RAB3GAP2: variants seen among roughly 807,000 people sequenced by gnomAD.
RAB3GAP2 encodes RAB3 GTPase activating non-catalytic protein subunit 2.
A neutral mutation model predicts 185.3 loss-of-function variants in RAB3GAP2; 87 were observed. The observed-to-expected ratio is 0.47, with a 90% CI of 0.39 to 0.56. RAB3GAP2 has a LOEUF of 0.56. Among genes scored for constraint, RAB3GAP2 ranks in the 20% least tolerant of loss-of-function variants. The pLI is 0.00. For synonymous variants in RAB3GAP2, 554 were observed against 576.1 expected (o/e 0.96, Z 0.55); for missense variants, 1,492 against 1,638.2 (o/e 0.91, Z 1.54).
chr1:220,190,485 T>C lies in RAB3GAP2; in HGVS notation c.1523A>G (p.Asn508Ser), dbSNP rs1234353390. 5 of 1,605,920 alleles carry C rather than the reference T, an allele frequency of 3.1e-6. No homozygotes were observed. The African/African-American group carries it at 5.4e-5, about 17-fold the overall frequency. The stretch of plus-strand genomic sequence containing the variant: ...CTGCCAACTCTGACTGGTAACATTA[T>C]TTAAACCCATTATTTTATAGCCAGG... ...LYPGYKIMGL[N>S]NVTSQSWQPQ... is the part of the protein sequence containing the mutation. The change falls in exon 15 of 35, where the codon AAT becomes AGT. Residue 508 changes from asparagine (N) to serine (S), a missense_variant. This residue lies in a region of RAB3GAP2 where 681 missense variants were observed against 689.1 expected (regional missense o/e 0.99). Coordinates refer to ENST00000358951, the MANE Select transcript of RAB3GAP2 (RefSeq NM_012414.4).
chr1:220,247,867 T>G (rs1018668676), intron 1 of RAB3GAP2, among the ~76,000 whole-genome samples: 1 of 152,086 alleles, frequency 6.6e-6, no homozygotes, highest in Admixed American at 6.5e-5. Context: ...CTTGGAAATT[T>G]TTTTAGTATT....
chr1:220,217,726 A>G (rs1659225109), intron 2 of RAB3GAP2, among the ~76,000 whole-genome samples: 1 of 152,222 alleles, frequency 6.6e-6, no homozygotes, highest in Admixed American at 6.5e-5. Flanking sequence ...ACTGTATAAC[A>G]ATGAACAATC....
At chr1:220,202,219 C>A in intron 9 of RAB3GAP2, 57 bp downstream of exon 9, 1 of 1,558,154 alleles carries the variant, frequency 6.4e-7, no homozygotes, top group Non-Finnish European at 8.7e-7. Context: ...AAATGAGATA[C>A]TTCAATAAAA....
intron 12 of RAB3GAP2, 59 bp downstream of exon 12, chr1:220,195,019 C>T: frequency 6.7e-7 from 1 of 1,484,104 alleles, no homozygotes; most frequent in East Asian, 2.3e-5. Context: ...ACGGAAAGAC[C>T]ATACATTTAA....
intron 16 of RAB3GAP2, 102 bp downstream of exon 16, chr1:220,189,962 A>C (rs1658582523): frequency 1.8e-6 from 2 of 1,117,062 alleles, no homozygotes; most frequent in African/African-American, 3.1e-5. Context: ...AATTCCAATA[A>C]GCTCATCCAT....
intron 1 of RAB3GAP2, among the ~76,000 whole-genome samples, chr1:220,233,147 A>C (rs1044380095): frequency 6.6e-6 from 1 of 152,212 alleles, no homozygotes; most frequent in Non-Finnish European, 1.5e-5. Flanking sequence ...CATCAAGTTA[A>C]TTCACATTCA....
At chr1:220,250,213 G>A (rs1239890434) in intron 1 of RAB3GAP2, among the ~76,000 whole-genome samples, 1 of 152,208 alleles carries the variant, frequency 6.6e-6, no homozygotes, top group African/African-American at 2.4e-5. Context: ...GCTGCTCAAG[G>A]CTCTGGGAGC....
rs1324863952 is a variant in RAB3GAP2 at position 220,190,370 on chromosome 1, A to G, written c.1631+7T>C. 1 of 1,614,066 alleles carries G rather than the reference A, an allele frequency of 6.2e-7. No individual in the cohort carries two copies. Among genetic ancestry groups the G allele is most frequent in the Non-Finnish European group, 8.5e-7 (1 of 1,179,966 alleles). On this transcript the variant is annotated splice_region_variant and intron_variant, in intron 15 of 34. Coordinates refer to ENST00000358951, the MANE Select transcript of RAB3GAP2 (RefSeq NM_012414.4). The stretch of plus-strand genomic sequence containing the variant: ...AGCGTCAATCAGCAACACTGGACAC[A>G]CCTTACCTCAGTGCTAAATGGAAGG...
intron 21 of RAB3GAP2, among the ~76,000 whole-genome samples, chr1:220,178,513 G>A (rs945024659): frequency 7.9e-5 from 12 of 152,140 alleles, no homozygotes; most frequent in South Asian, 2.1e-4. Flanking sequence ...GAGTTAATGC[G>A]TATAGGTTTT....
chr1:220,238,267 G>T (rs893126925), intron 1 of RAB3GAP2, among the ~76,000 whole-genome samples: 9 of 152,108 alleles, frequency 5.9e-5, no homozygotes, highest in African/African-American at 2.2e-4. Flanking sequence ...CTGGTGATGT[G>T]TGTTTTACAT....
chr1:220,189,941 C>T, intron 16 of RAB3GAP2, 123 bp downstream of exon 16: 1 of 1,082,270 alleles, frequency 9.2e-7, no homozygotes, highest in Non-Finnish European at 1.4e-6. Flanking sequence ...CACACTTCAG[C>T]CTTACAGAGC....
intron 21 of RAB3GAP2, among the ~76,000 whole-genome samples, chr1:220,177,472 G>A (rs148534816): frequency 6.6e-6 from 1 of 152,056 alleles, no homozygotes; most frequent in South Asian, 2.1e-4. Flanking sequence ...ACAAAGAAAG[G>A]CACCAGAGAC....
rs1008162605 is a variant in RAB3GAP2, at chr1:220,151,138, A to AG, written c.*112dup. The AG allele has an allele frequency of 7.6e-5, 87 of 1,145,766 alleles. No homozygotes were observed. The South Asian group carries it at 9.2e-4, about 12-fold the overall frequency. The allele number at this position is 1,145,766 out of a possible 1,614,324, so 71.0% of individuals were successfully genotyped here. A position where few individuals can be genotyped will look rare whatever the true frequency, so the allele number is the denominator to read the frequency against. On this transcript the variant is annotated 3_prime_UTR_variant, in exon 35 of 35. Coordinates refer to ENST00000358951, the MANE Select transcript of RAB3GAP2 (RefSeq NM_012414.4). ...TATATACTTTTATTTATTTTACAAAAGGAAAAAAAAAGACATACTTTTCCC... is the reference window on the plus strand; with the variant it reads ...TATATACTTTTATTTATTTTACAAAAGGGAAAAAAAAAGACATACTTTTCCC...
At chr1:220,210,575 C>T in intron 6 of RAB3GAP2, 86 bp from the exon 7 acceptor site, 1 of 1,130,588 alleles carries the variant, frequency 8.8e-7, no homozygotes, top group Non-Finnish European at 1.3e-6. Flanking sequence ...TACCATTTCC[C>T]CAACAGTTTT....
Position 220,205,907 on chromosome 1 carries a change from C to T in RAB3GAP2, c.712G>A (p.Ala238Thr). The T allele has an allele frequency of 6.3e-7, 1 of 1,585,650 alleles. No homozygotes were observed. Among genetic ancestry groups the T allele is most frequent in the Non-Finnish European group, 8.7e-7 (1 of 1,155,016 alleles). ...LRACRNQVAK[A>T]AASGNENIQP... ...TAAATATTTCTTGCCAAAATATTACCTTTTGCTACCTGATTTCGACAAGCA... is the reference window on the plus strand; with the variant it reads ...TAAATATTTCTTGCCAAAATATTACTTTTTGCTACCTGATTTCGACAAGCA... Residue 238 changes from alanine to threonine, a missense_variant and splice_region_variant, in exon 8 of 35, where the codon GCT becomes ACT. By Grantham distance (58) the Ala-to-Thr change is moderately conservative. Coordinates refer to ENST00000358951, the MANE Select transcript of RAB3GAP2 (RefSeq NM_012414.4).
chr1:220,176,654 G>A (rs775015746), intron 21 of RAB3GAP2, among the ~76,000 whole-genome samples: 20 of 152,170 alleles, frequency 1.3e-4, no homozygotes, highest in Non-Finnish European at 2.6e-4. Flanking sequence ...CCAGCTCAGA[G>A]TTGCTTGCAT....
intron 1 of RAB3GAP2, among the ~76,000 whole-genome samples, chr1:220,250,918 C>CA (rs1659919947): frequency 1.3e-5 from 2 of 152,166 alleles, no homozygotes; most frequent in Non-Finnish European, 2.9e-5. Flanking sequence ...AAGAGTGAGT[C>CA]AATTAAACCT....
chr1:220,197,198 G>C (rs986672424), intron 9 of RAB3GAP2, among the ~76,000 whole-genome samples: 9 of 152,044 alleles, frequency 5.9e-5, no homozygotes, highest in African/African-American at 2.2e-4. Flanking sequence ...ATGTTGGCCA[G>C]GCTGGTCTCA....
intron 1 of RAB3GAP2, among the ~76,000 whole-genome samples, chr1:220,253,336 T>C (rs948620491): frequency 1.3e-5 from 2 of 152,198 alleles, no homozygotes; most frequent in African/African-American, 4.8e-5. Context: ...TGGCCTTCAC[T>C]GGTGATACCT....
Sources: allele counts gnomAD v4.1 joint callset (sites outside exome capture counted in the v4.1 genomes callset), GRCh38; gene constraint gnomAD v4.1.1; regional missense constraint gnomAD v4.1.1; transcripts MANE v1.5; gene names NCBI Gene and HGNC (gene_info 2026-07-23, HGNC 2026-07-21).